Variants in ATE1 observed in about 807,000 individuals in gnomAD.
The protein encoded by ATE1 is arginyl-tRNA--protein transferase 1.
ATE1 carries 36 observed loss-of-function variants against 70.5 expected under a neutral mutation model. That is an observed-to-expected ratio of 0.51 (90% CI 0.39 to 0.67). The LOEUF (loss-of-function observed/expected upper bound fraction) is 0.67. ATE1 is among the 30% of genes least tolerant of loss of function. The pLI is 0.00. For synonymous variants in ATE1, 232 were observed against 219.3 expected, an observed-to-expected ratio of 1.06 and a Z score of -0.51; for missense variants, 593 against 629.5, an observed-to-expected ratio of 0.94 and a Z score of 0.62.
chr10:121,925,451 G>T (rs954181577), intron 1 of ATE1, among the ~76,000 whole-genome samples: 1 of 149,676 alleles, frequency 6.7e-6, no homozygotes, highest in Non-Finnish European at 1.5e-5. Context: ...AAGAAAGAAA[G>T]AAAGAAAGTA....
chr10:121,855,512 T>C (rs576253070), intron 8 of ATE1, among the ~76,000 whole-genome samples: 202 of 152,342 alleles, frequency 1.3e-3, no homozygotes, highest in Middle Eastern at 0.01. Context: ...TTGTGATCTA[T>C]AGCTAAAGTT....
intron 10 of ATE1, among the ~76,000 whole-genome samples, chr10:121,833,173 AT>A (rs1384090369): frequency 6.6e-6 from 1 of 152,140 alleles, no homozygotes; most frequent in Non-Finnish European, 1.5e-5. Context: ...CTATCAGAGT[AT>A]TTATCAATAC....
chr10:121,843,841 T>C (rs997816214), intron 8 of ATE1, among the ~76,000 whole-genome samples: 1 of 151,902 alleles, frequency 6.6e-6, no homozygotes, highest in Non-Finnish European at 1.5e-5. Context: ...GATGATAATA[T>C]AAAAGAAAAT....
At chr10:121,886,231 A>T (rs1030066441) in intron 7 of ATE1, among the ~76,000 whole-genome samples, 21 of 152,196 alleles carry the variant, frequency 1.4e-4, no homozygotes, top group African/African-American at 4.6e-4. Context: ...CAGCTTGGGC[A>T]ACATAGCAAG....
intron 10 of ATE1, among the ~76,000 whole-genome samples, chr10:121,830,285 G>A (rs569006648): frequency 7.2e-5 from 11 of 152,216 alleles, no homozygotes; most frequent in East Asian, 1.9e-4. Flanking sequence ...AACTGCCCTC[G>A]GGAATAGATT....
intron 5 of ATE1, among the ~76,000 whole-genome samples, chr10:121,907,858 C>T (rs543678720): frequency 2.0e-5 from 3 of 151,750 alleles, no homozygotes; most frequent in South Asian, 2.1e-4. Context: ...TATTTGCCAA[C>T]GAAGCCTAGA....
At position 121,806,032 on chromosome 10, in the gene ATE1, A is replaced by G. The variant is rs370649706; in HGVS notation, c.1258-15743T>C. ...AGCATCACATGGGTAGTATTCCCGC[A>G]AAAGTGAGTAAACTTAATAAAATTA... is the stretch of plus-strand genomic sequence containing the variant. On this transcript the variant is annotated intron_variant, in intron 10 of 11. Coordinates refer to ENST00000224652, the MANE Select transcript of ATE1 (RefSeq NM_001001976.3). 4.6e-5 allele frequency among the ~76,000 whole-genome samples: 7 copies of G among 152,236 alleles called. No homozygotes were observed. The East Asian group carries it at 1.2e-3, about 25-fold the overall frequency.
At chr10:121,925,531 G>A (rs1267521849) in intron 1 of ATE1, among the ~76,000 whole-genome samples, 1 of 151,724 alleles carries the variant, frequency 6.6e-6, no homozygotes, top group East Asian at 1.9e-4. Flanking sequence ...GAATAATCAC[G>A]CAACTATGAA....
chr10:121,842,846 A>C (rs985549962), intron 8 of ATE1, among the ~76,000 whole-genome samples: 1 of 152,184 alleles, frequency 6.6e-6, no homozygotes, highest in African/African-American at 2.4e-5. Flanking sequence ...AACAGAGGAA[A>C]GTTTTCTCAA....
chr10:121,755,960 C>T (rs1409251011), intron 11 of ATE1, among the ~76,000 whole-genome samples: 1 of 152,176 alleles, frequency 6.6e-6, no homozygotes, highest in Non-Finnish European at 1.5e-5. Context: ...CCCCCAACAT[C>T]TCAACTCATT....
chr10:121,790,240 A>AC lies in ATE1; in HGVS notation c.1306dup (p.Val436GlyfsTer4). The AC allele has an allele frequency of 1.2e-6, 2 of 1,614,094 alleles. No homozygotes were observed. Among genetic ancestry groups the AC allele is most frequent in the Non-Finnish European group, 1.7e-6 (2 of 1,179,980 alleles). Reference sequence around the variant, plus strand: ...TGAAGGCAGGCATTGCTCAATGGGTACCCAAACATATGTCTCAGGGCACAG... The same window carrying AC: ...TGAAGGCAGGCATTGCTCAATGGGTACCCCAAACATATGTCTCAGGGCACAG... On this transcript the variant is annotated frameshift_variant, in exon 11 of 12. Coordinates refer to ENST00000224652, the MANE Select transcript of ATE1 (RefSeq NM_001001976.3). LOFTEE classifies it high-confidence loss of function.
chr10:121,790,025 A>G (rs1946370778), intron 11 of ATE1, 144 bp downstream of exon 11: 2 of 489,236 alleles, frequency 4.1e-6, no homozygotes, highest in Non-Finnish European at 2.7e-6. Context: ...GTCTTCCTCT[A>G]TCTTACACAC....
At position 121,743,771 on chromosome 10, in the gene ATE1, T is replaced by C; in HGVS notation, c.1466A>G (p.Gln489Arg). Residue 489 changes from glutamine to arginine, a missense_variant, in exon 12 of 12, where the codon CAG becomes CGG. By Grantham distance (43) the Gln-to-Arg change is conservative (BLOSUM62 1). Transcript: ENST00000224652. Reference sequence around the variant, plus strand: ...AGCAGCCTCCTCACTTGGGTCTTTCTGCTGTTTCTTATAAACACCGTAAGG... The same window carrying C: ...AGCAGCCTCCTCACTTGGGTCTTTCCGCTGTTTCTTATAAACACCGTAAGG... The part of the protein sequence containing the change: ...IMPYGVYKKQ[Q>R]KDPSEEAAVL... 6.2e-7 allele frequency: 1 copy of C among 1,614,204 alleles called. No individual in the cohort carries two copies. Among genetic ancestry groups the C allele is most frequent in the Non-Finnish European group, 8.5e-7 (1 of 1,180,036 alleles).
chr10:121,847,389 A>AG (rs1363347239), intron 8 of ATE1, among the ~76,000 whole-genome samples: 1 of 152,082 alleles, frequency 6.6e-6, no homozygotes, highest in Non-Finnish European at 1.5e-5. Context: ...CGGAGGTTGC[A>AG]GTGAGCTGAG....
At chr10:121,791,186 T>C (rs1426767118) in intron 10 of ATE1, among the ~76,000 whole-genome samples, 1 of 151,578 alleles carries the variant, frequency 6.6e-6, no homozygotes, top group Non-Finnish European at 1.5e-5. Flanking sequence ...ATCTGCTTCC[T>C]GTTTTCAAGT....
At chr10:121,913,505 G>A (rs565901505) in intron 4 of ATE1, among the ~76,000 whole-genome samples, 1 of 152,304 alleles carries the variant, frequency 6.6e-6, no homozygotes, top group South Asian at 2.1e-4. Flanking sequence ...AGAAAGATGA[G>A]TTATCAAAGC....
chr10:121,861,346 A>G (rs957388500), intron 8 of ATE1, among the ~76,000 whole-genome samples: 1 of 151,990 alleles, frequency 6.6e-6, no homozygotes, highest in African/African-American at 2.4e-5. Flanking sequence ...ACTTTGGTAT[A>G]TTTATCATAT....
rs148742347 is a variant in ATE1, at chr10:121,892,669, C to T, written c.942+7197G>A. Among the ~76,000 whole-genome samples, 401 of 152,070 alleles carry T rather than the reference C, an allele frequency of 2.6e-3. 3 individuals carry two copies. The highest frequency in any genetic ancestry group is 9.3e-3 in the African/African-American group (387 of 41,516). Reference sequence around the variant, plus strand: ...TACAGGTGCCCTCCACCATGCCCAGCTAATTTTTGTATTTTTAGTAGTAGG... The same window carrying T: ...TACAGGTGCCCTCCACCATGCCCAGTTAATTTTTGTATTTTTAGTAGTAGG... On this transcript the variant is annotated intron_variant, in intron 7 of 11. Transcript: ENST00000224652.
intron 10 of ATE1, among the ~76,000 whole-genome samples, chr10:121,820,563 T>C (rs545302711): frequency 2.0e-5 from 3 of 152,342 alleles, no homozygotes; most frequent in African/African-American, 7.2e-5. Context: ...CATGGTTTGC[T>C]TTGGTTATTT....
Sources: gnomAD v4.1 joint callset for allele counts (sites outside exome capture counted in the v4.1 genomes callset) on GRCh38, gnomAD v4.1.1 for gene constraint, MANE v1.5 for transcripts, NCBI Gene and HGNC (gene_info 2026-07-23, HGNC 2026-07-21) for gene names.